Variants in F8 observed in about 807,000 individuals in gnomAD.
The protein encoded by F8 is antihemophilic factor.
F8 carries 12 observed loss-of-function variants against 140.6 expected under a neutral mutation model. That is an observed-to-expected ratio of 0.09 (90% CI 0.05 to 0.14). The LOEUF (loss-of-function observed/expected upper bound fraction) is 0.14, where lower values mean the gene tolerates loss of function less well. Ranked by LOEUF, F8 falls within the 10% of genes least tolerant of loss-of-function variation. The pLI, the probability that F8 is intolerant of heterozygous loss-of-function variation, is 1.00. For synonymous variants in F8, 585 were observed against 614.6 expected (o/e 0.95, Z 0.71); for missense variants, 1,354 against 1,720.7 (o/e 0.79, Z 3.77).
chrX:154,846,044 C>T (rs781845808), intron 25 of F8, among the ~76,000 whole-genome samples: 5 of 112,167 alleles, frequency 4.5e-5, no homozygotes, highest in Non-Finnish European at 9.4e-5. Context: ...CTTCATTTCG[C>T]TATGTACCCA....
chrX:154,969,433 C>A lies in F8; in HGVS notation c.907G>T (p.Ala303Ser). Reference sequence around the variant, plus strand: ...GTTATTGGCGAGATTTCCAAGGACGCCTGGCGATGGTTCCTCACAAGAAAT... The same window carrying A: ...GTTATTGGCGAGATTTCCAAGGACGACTGGCGATGGTTCCTCACAAGAAAT... ...HTFLVRNHRQ[A>S]SLEISPITFL... The change falls in exon 7 of 26, where the codon GCG (alanine) becomes TCG (serine). Residue 303 changes from alanine to serine, a missense_variant. Physicochemically the swap from Ala to Ser is moderately conservative, Grantham distance 99. This residue lies in a region of F8 where 128 missense variants were observed against 230.4 expected (regional missense o/e 0.56). Transcript: ENST00000360256. The A allele has an allele frequency of 8.3e-7, 1 of 1,211,192 alleles. No homozygotes were observed. The highest frequency in any genetic ancestry group is 1.1e-6 in the Non-Finnish European group (1 of 895,200).
At chrX:154,877,501 C>A (rs115443766) in intron 22 of F8, among the ~76,000 whole-genome samples, 3,164 of 109,984 alleles carry the variant, frequency 0.029, 103 homozygotes, top group African/African-American at 0.097. Context: ...TTTTCTTTTT[C>A]TTTTTTTTTG....
At chrX:154,874,070 A>G (rs1354818631) in intron 22 of F8, among the ~76,000 whole-genome samples, 1 of 112,691 alleles carries the variant, frequency 8.9e-6, no homozygotes, top group Admixed American at 9.4e-5. Flanking sequence ...GAATGGATGA[A>G]AATATTTGCA....
chrX:154,922,725 C>T (rs1326433567), intron 14 of F8, among the ~76,000 whole-genome samples: 1 of 111,523 alleles, frequency 9.0e-6, no homozygotes, highest in East Asian at 2.8e-4. Flanking sequence ...GAGATAGGCA[C>T]ACATCTAGTC....
intron 1 of F8, among the ~76,000 whole-genome samples, chrX:155,012,479 G>GA (rs35171772): frequency 9.1e-6 from 1 of 110,172 alleles, no homozygotes; most frequent in East Asian, 2.8e-4. Flanking sequence ...CTTGGCTAAT[G>GA]AAAAAAAATT....
chrX:154,997,218 T>C (rs2073622445), intron 2 of F8, 123 bp from the exon 3 acceptor site: 4 of 851,508 alleles, frequency 4.7e-6, no homozygotes, highest in Admixed American at 4.5e-5. Flanking sequence ...TGACAAAAAG[T>C]AGTATTTGCT....
intron 7 of F8, among the ~76,000 whole-genome samples, chrX:154,967,283 G>C (rs1462006887): frequency 9.0e-6 from 1 of 111,642 alleles, no homozygotes; most frequent in Non-Finnish European, 1.9e-5. Context: ...ACCATGACAA[G>C]ATACAACTTA....
intron 9 of F8, among the ~76,000 whole-genome samples, chrX:154,962,906 G>C (rs951754579): frequency 1.8e-5 from 2 of 109,693 alleles, no homozygotes; most frequent in Non-Finnish European, 3.8e-5. Context: ...GAGAGAGAGA[G>C]AGAGAGAGAG....
Position 154,837,712 on chromosome X carries a change from T to A in F8, c.6941A>T (p.Asn2314Ile). Reference sequence around the variant, plus strand: ...AGTCAGTAACGGTGGGTCTAGAGAGTTCACCACAGGTGTGAAGGAGTCTTG... The same window carrying A: ...AGTCAGTAACGGTGGGTCTAGAGAGATCACCACAGGTGTGAAGGAGTCTTG... ...GNQDSFTPVV[N>I]SLDPPLLTRY... The change falls in exon 26 of 26, where the codon AAC (asparagine) becomes ATC (isoleucine). Residue 2314 changes from asparagine to isoleucine, a missense_variant. Asn to Ile is a moderately radical substitution (Grantham distance 149). This residue lies in a region of F8 where 316 missense variants were observed against 485.4 expected (regional missense o/e 0.65). Coordinates refer to ENST00000360256, the MANE Select transcript of F8 (RefSeq NM_000132.4). 1.7e-6 allele frequency: 2 copies of A among 1,211,111 alleles called. No homozygotes were observed. Among genetic ancestry groups the A allele is most frequent in the Non-Finnish European group, 2.2e-6 (2 of 895,034 alleles).
chrX:154,920,544 C>G (rs111471170), intron 14 of F8, among the ~76,000 whole-genome samples: 2,421 of 110,487 alleles, frequency 0.022, 21 homozygotes, highest in Middle Eastern at 0.041. Flanking sequence ...CTTGACCCCC[C>G]CAGGCTCAAG....
At chrX:154,987,103 G>T in intron 5 of F8, 134 bp downstream of exon 5, 1 of 516,691 alleles carries the variant, frequency 1.9e-6, no homozygotes, top group Non-Finnish European at 3.2e-6. Context: ...TTGTTTTCTT[G>T]GAATTCATTT....
chrX:155,013,444 T>G (rs1288149260), intron 1 of F8, among the ~76,000 whole-genome samples: 1 of 111,676 alleles, frequency 9.0e-6, no homozygotes, highest in Non-Finnish European at 1.9e-5. Flanking sequence ...CCACCATGAT[T>G]GTGAGGCCTC....
At chrX:154,861,548 T>C (rs1363781127) in intron 24 of F8, among the ~76,000 whole-genome samples, 170 bp downstream of exon 24, 1 of 112,059 alleles carries the variant, frequency 8.9e-6, no homozygotes, top group Non-Finnish European at 1.9e-5. Context: ...TTAGAGATCA[T>C]TTCCCCCAAA....
intron 22 of F8, among the ~76,000 whole-genome samples, chrX:154,875,225 A>G (rs28412378): frequency 0.068 from 7,567 of 111,432 alleles, 622 homozygotes; most frequent in African/African-American, 0.24. Flanking sequence ...TGTGGGGGAA[A>G]CAGGGAGATG....
chrX:154,938,788 T>C (rs2073237834), intron 13 of F8, among the ~76,000 whole-genome samples: 1 of 108,489 alleles, frequency 9.2e-6, no homozygotes, highest in African/African-American at 3.4e-5. Context: ...CAACACACAC[T>C]GAAGGAAGTT....
intron 14 of F8, among the ~76,000 whole-genome samples, chrX:154,925,222 T>G (rs1189181693): frequency 2.7e-5 from 3 of 112,315 alleles, no homozygotes; most frequent in Non-Finnish European, 5.6e-5. Flanking sequence ...AAGTCGCCTC[T>G]TGAATGCTTT....
intron 6 of F8, among the ~76,000 whole-genome samples, chrX:154,982,539 A>G (rs2073534670): frequency 1.8e-5 from 2 of 110,256 alleles, no homozygotes. Flanking sequence ...ATTTATTACC[A>G]TAAAATATAC....
chrX:154,929,223 C>T lies in F8; in HGVS notation c.4567G>A (p.Asp1523Asn). 1 of 1,211,661 alleles carries T rather than the reference C, an allele frequency of 8.3e-7. No individual in the cohort carries two copies. Among genetic ancestry groups the T allele is most frequent in the Non-Finnish European group, 1.1e-6 (1 of 895,499 alleles). ...TTGCTAGTTTCCGTAGGGAATAGGT[C>T]CTTCTGATAAATGTGAACTTTTGGA... is the stretch of plus-strand genomic sequence containing the variant. Reference protein sequence around the residue: ...LLPKVHIYQKDLFPTETSNGS... With the variant: ...LLPKVHIYQKNLFPTETSNGS... The change falls in exon 14 of 26, where the codon GAC becomes AAC. Residue 1523 changes from aspartate to asparagine, a missense_variant. Physicochemically the swap from Asp to Asn is conservative, Grantham distance 23 (BLOSUM62 1). This residue lies in a region of F8 where 658 missense variants were observed against 666.5 expected (regional missense o/e 0.99). Transcript: ENST00000360256.
At position 154,966,466 on chromosome X, in the gene F8, C is replaced by A; in HGVS notation, c.1231G>T (p.Asp411Tyr). The A allele has an allele frequency of 8.3e-7, 1 of 1,211,339 alleles. No homozygotes were observed. The highest frequency in any genetic ancestry group is 2.2e-5 in the Admixed American group (1 of 45,949). The change falls in exon 8 of 26, where the codon GAC becomes TAC. Residue 411 changes from aspartate to tyrosine, a missense_variant. Asp to Tyr is a radical substitution (Grantham distance 160, BLOSUM62 -3). Around this residue, in one of 4 missense-constraint regions of F8, gnomAD observed 252 missense variants for 338.5 expected, o/e 0.74. Transcript: ENST00000360256. ...WVHYIAAEEE[D>Y]WDYAPLVLAP... is the part of the protein sequence containing the mutation. ...AGGACTAAGGGAGCATAGTCCCAGT[C>A]CTCCTCTTCAGCAGCAATGTAATGT...
Sources: allele counts gnomAD v4.1 joint callset (sites outside exome capture counted in the v4.1 genomes callset), GRCh38; gene constraint gnomAD v4.1.1; regional missense constraint gnomAD v4.1.1; transcripts MANE v1.5; gene names NCBI Gene and HGNC (gene_info 2026-07-23, HGNC 2026-07-21).